GRID2: variants seen among roughly 807,000 people sequenced by gnomAD.
GRID2 encodes the protein glutamate receptor ionotropic, delta-2.
Under a neutral mutation model 114.8 loss-of-function variants are expected in GRID2, and 33 were observed. The ratio of observed to expected loss-of-function variants is 0.29; its 90% CI spans 0.22 to 0.38. GRID2 has a LOEUF of 0.38. Among genes scored for constraint, GRID2 ranks in the 10% least tolerant of loss-of-function variants. The pLI, the probability that GRID2 is intolerant of heterozygous loss-of-function variation, is 1.00. For synonymous variants in GRID2, 505 were observed against 449.9 expected, an observed-to-expected ratio of 1.12 and a Z score of -1.55; for missense variants, 1,184 against 1,257.7, an observed-to-expected ratio of 0.94 and a Z score of 0.89.
chr4:93,486,798 T>G (rs1197659264), intron 11 of GRID2, among the ~76,000 whole-genome samples: 3 of 151,780 alleles, frequency 2.0e-5, no homozygotes, highest in Non-Finnish European at 4.4e-5. Context: ...TGCCTTTTAT[T>G]GGAATAACTT....
intron 13 of GRID2, among the ~76,000 whole-genome samples, chr4:93,583,055 G>C (rs958181993): frequency 6.6e-6 from 1 of 152,122 alleles, no homozygotes; most frequent in East Asian, 1.9e-4. Flanking sequence ...TGGCTTGTGG[G>C]AGCATCACTC....
At chr4:92,669,694 C>G (rs1311594832) in intron 2 of GRID2, among the ~76,000 whole-genome samples, 1 of 151,874 alleles carries the variant, frequency 6.6e-6, no homozygotes, top group Non-Finnish European at 1.5e-5. Flanking sequence ...TTTAGATTTT[C>G]TTGAATAAAG....
intron 5 of GRID2, among the ~76,000 whole-genome samples, chr4:93,212,424 A>G (rs1007673473): frequency 1.3e-5 from 2 of 152,144 alleles, no homozygotes; most frequent in Admixed American, 6.5e-5. Context: ...ATATGTTAGT[A>G]CTTGGTAATA....
chr4:92,553,314 G>A (rs530047873), intron 1 of GRID2, among the ~76,000 whole-genome samples: 2 of 152,178 alleles, frequency 1.3e-5, no homozygotes, highest in East Asian at 3.9e-4. Flanking sequence ...GGTATAATCT[G>A]TCTTTGATAG....
intron 7 of GRID2, among the ~76,000 whole-genome samples, chr4:93,226,495 C>T (rs1579348054): frequency 6.6e-6 from 1 of 152,328 alleles, no homozygotes; most frequent in East Asian, 1.9e-4. Flanking sequence ...TATCCTTTTA[C>T]ACCATGTCCT....
intron 1 of GRID2, among the ~76,000 whole-genome samples, chr4:92,441,567 G>A (rs144051131): frequency 0.018 from 2,681 of 152,240 alleles, 96 homozygotes; most frequent in African/African-American, 0.062. Context: ...CAGATCCTGA[G>A]CTAACTTGTA....
intron 13 of GRID2, among the ~76,000 whole-genome samples, chr4:93,589,109 G>C (rs1355643236): frequency 4.0e-5 from 6 of 151,712 alleles, no homozygotes; most frequent in Admixed American, 1.3e-4. Flanking sequence ...GTGCAGGTTA[G>C]TTACATACGT....
At chr4:93,537,234 T>C (rs750172415) in intron 13 of GRID2, among the ~76,000 whole-genome samples, 2 of 151,762 alleles carry the variant, frequency 1.3e-5, no homozygotes, top group Non-Finnish European at 3.0e-5. Context: ...AAGGCTATTT[T>C]CATTTTCACC....
chr4:92,930,379 TTTGC>T (rs1750134593), intron 2 of GRID2, among the ~76,000 whole-genome samples: 1 of 151,286 alleles, frequency 6.6e-6, no homozygotes, highest in African/African-American at 2.4e-5. Context: ...AGTCAAAACA[TTTGC>T]TTGTTCAATT....
intron 2 of GRID2, among the ~76,000 whole-genome samples, chr4:92,924,400 T>TAAAAA (rs76398831): frequency 7.0e-6 from 1 of 143,038 alleles, no homozygotes; most frequent in Non-Finnish European, 1.5e-5. Context: ...AAAGTATAAT[T>TAAAAA]AAAAAAAAAA....
intron 8 of GRID2, among the ~76,000 whole-genome samples, chr4:93,240,157 A>G (rs1463202067): frequency 6.6e-6 from 1 of 151,646 alleles, no homozygotes; most frequent in Non-Finnish European, 1.5e-5. Flanking sequence ...TGTATCCAGA[A>G]GTAGAACTGC....
chr4:93,329,524 A>G (rs1269254116), intron 8 of GRID2, among the ~76,000 whole-genome samples: 1 of 152,156 alleles, frequency 6.6e-6, no homozygotes, highest in Non-Finnish European at 1.5e-5. Flanking sequence ...ATAGTTTCTC[A>G]AGATCCTAAT....
intron 9 of GRID2, among the ~76,000 whole-genome samples, chr4:93,409,724 G>GTT (rs1182968287): frequency 1.3e-5 from 2 of 152,172 alleles, no homozygotes; most frequent in Admixed American, 1.3e-4. Context: ...TATACTGATG[G>GTT]AGGCAGTCTA....
At chr4:92,598,553 C>A (rs1483657960) in intron 2 of GRID2, among the ~76,000 whole-genome samples, 1 of 152,012 alleles carries the variant, frequency 6.6e-6, no homozygotes, top group Non-Finnish European at 1.5e-5. Context: ...ATATTAAGTT[C>A]ATAGCCCATG....
At chr4:93,303,194 A>G (rs1239717755) in intron 8 of GRID2, among the ~76,000 whole-genome samples, 3 of 152,152 alleles carry the variant, frequency 2.0e-5, no homozygotes, top group Admixed American at 6.5e-5. Flanking sequence ...CTATGATCCA[A>G]TCACCTCCCT....
intron 8 of GRID2, among the ~76,000 whole-genome samples, chr4:93,270,612 C>G (rs1751347774): frequency 6.6e-6 from 1 of 151,786 alleles, no homozygotes; most frequent in Admixed American, 6.6e-5. Flanking sequence ...TTTTCTTCTT[C>G]TTGTTTTTGT....
chr4:92,374,508 G>A (rs1008830367), intron 1 of GRID2, among the ~76,000 whole-genome samples: 5 of 152,064 alleles, frequency 3.3e-5, no homozygotes, highest in Non-Finnish European at 4.4e-5. Flanking sequence ...ACCACCTTGG[G>A]CATATGTTCT....
chr4:92,810,167 TGAAA>T (rs1370698658), intron 2 of GRID2, among the ~76,000 whole-genome samples: 2 of 152,026 alleles, frequency 1.3e-5, no homozygotes, highest in Admixed American at 6.6e-5. Context: ...CTTATGTCTC[TGAAA>T]GAACTTAAAA....
intron 1 of GRID2, among the ~76,000 whole-genome samples, chr4:92,515,531 A>T (rs2149135186): frequency 6.6e-6 from 1 of 151,988 alleles, no homozygotes; most frequent in Non-Finnish European, 1.5e-5. Context: ...TTATAATAAG[A>T]GAGTATTCCA....
Sources: allele counts gnomAD v4.1 joint callset (sites outside exome capture counted in the v4.1 genomes callset), GRCh38; gene constraint gnomAD v4.1.1; transcripts MANE v1.5; gene names NCBI Gene and HGNC (gene_info 2026-07-23, HGNC 2026-07-21).